The following GALNT11 variants were observed in gnomAD, a reference collection of about 807,000 sequenced individuals.
GALNT11 encodes polypeptide N-acetylgalactosaminyltransferase 11.
In GALNT11, 47 loss-of-function variants were observed where a neutral mutation model predicts 72.7. That is an observed-to-expected ratio of 0.65 (90% CI 0.51 to 0.82). The LOEUF is 0.82. Among genes scored for constraint, GALNT11 ranks in the 40% least tolerant of loss-of-function variants. The pLI is 0.00. For missense variants in GALNT11, 677 were observed against 778.4 expected (o/e 0.87, Z 1.55); for synonymous variants, 270 against 286.6 (o/e 0.94, Z 0.58).
At chr7:152,032,901 G>GA (rs1213222232) in intron 1 of GALNT11, among the ~76,000 whole-genome samples, 1 of 152,240 alleles carries the variant, frequency 6.6e-6, no homozygotes, top group Non-Finnish European at 1.5e-5. Flanking sequence ...TTACAACTGA[G>GA]AAGGTGGGAG....
intron 1 of GALNT11, among the ~76,000 whole-genome samples, chr7:152,081,085 A>C (rs2085298384): frequency 6.6e-6 from 1 of 152,182 alleles, no homozygotes; most frequent in Non-Finnish European, 1.5e-5. Flanking sequence ...CTTTAGGATT[A>C]TTTAAGATTT....
intron 6 of GALNT11, among the ~76,000 whole-genome samples, chr7:152,109,460 A>T (rs1201699681): frequency 3.3e-5 from 5 of 152,186 alleles, no homozygotes; most frequent in Non-Finnish European, 4.4e-5. Flanking sequence ...TTGTTTTTAA[A>T]AAGTGTCTTT....
At chr7:152,036,442 A>G (rs1311479937) in intron 1 of GALNT11, among the ~76,000 whole-genome samples, 1 of 152,128 alleles carries the variant, frequency 6.6e-6, no homozygotes, top group Non-Finnish European at 1.5e-5. Context: ...TTATGGCTGA[A>G]TAGTACTCCA....
At chr7:152,045,962 A>G (rs1392550258) in intron 1 of GALNT11, among the ~76,000 whole-genome samples, 5 of 151,986 alleles carry the variant, frequency 3.3e-5, no homozygotes, top group African/African-American at 2.4e-5. Flanking sequence ...TGCTTTCACT[A>G]TATCCCATAG....
At chr7:152,054,172 A>G (rs1018209922) in intron 1 of GALNT11, among the ~76,000 whole-genome samples, 8 of 152,010 alleles carry the variant, frequency 5.3e-5, no homozygotes, top group South Asian at 2.1e-4. Flanking sequence ...CTTTTGACTT[A>G]TAGTAATAGC....
At chr7:152,096,537 C>T (rs1453143290) in intron 2 of GALNT11, among the ~76,000 whole-genome samples, 3 of 151,780 alleles carry the variant, frequency 2.0e-5, no homozygotes, top group South Asian at 4.2e-4. Context: ...ACCAACGTGG[C>T]GAAACCCTAT....
intron 8 of GALNT11, among the ~76,000 whole-genome samples, chr7:152,114,602 C>A (rs2088641389): frequency 6.6e-6 from 1 of 151,806 alleles, no homozygotes; most frequent in African/African-American, 2.4e-5. Context: ...CTCTTGTTGC[C>A]CAGGCTGAAG....
At chr7:152,086,337 C>T (rs1333804983) in intron 1 of GALNT11, among the ~76,000 whole-genome samples, 2 of 152,220 alleles carry the variant, frequency 1.3e-5, no homozygotes, top group Admixed American at 1.3e-4. Context: ...AACTTCTTGA[C>T]CTATCCGAAA....
At chr7:152,118,547 C>A (rs1482255953) in intron 9 of GALNT11, 131 bp from the exon 10 acceptor site, 4 of 704,836 alleles carry the variant, frequency 5.7e-6, no homozygotes, top group South Asian at 5.5e-5. Flanking sequence ...ATTAAAAATG[C>A]ATATATTTTT....
At chr7:152,099,243 G>A (rs2086596949) in intron 2 of GALNT11, among the ~76,000 whole-genome samples, 1 of 151,874 alleles carries the variant, frequency 6.6e-6, no homozygotes, top group South Asian at 2.1e-4. Context: ...CGCCCGGCTG[G>A]AAACACTGCA....
chr7:152,060,740 T>C (rs973972480), intron 1 of GALNT11, among the ~76,000 whole-genome samples: 2 of 152,100 alleles, frequency 1.3e-5, no homozygotes, highest in Admixed American at 6.5e-5. Flanking sequence ...TTTTTGTCCT[T>C]GCAGTAGTTT....
At chr7:152,121,251 T>A (rs1587525111) in intron 11 of GALNT11, among the ~76,000 whole-genome samples, 1 of 152,324 alleles carries the variant, frequency 6.6e-6, no homozygotes, top group Admixed American at 6.5e-5. Context: ...GCGCAGTGGC[T>A]CCCGCCTGTA....
chr7:152,104,942 CACTCA>C (rs2087367461), intron 4 of GALNT11: 1 of 174,762 alleles, frequency 5.7e-6, no homozygotes, highest in African/African-American at 2.4e-5. Flanking sequence ...AACATTTATG[CACTCA>C]AAATACTCAT....
intron 9 of GALNT11, 137 bp downstream of exon 9, chr7:152,117,512 A>T (rs1373416330): frequency 1.2e-6 from 1 of 826,872 alleles, no homozygotes; most frequent in Non-Finnish European, 1.9e-6. Context: ...CTTTCATTAT[A>T]TTCTCTTTAT....
intron 1 of GALNT11, among the ~76,000 whole-genome samples, chr7:152,029,428 GA>G (rs2151977700): frequency 6.6e-6 from 1 of 152,312 alleles, no homozygotes; most frequent in Admixed American, 6.5e-5. Context: ...CTTGAGCTTT[GA>G]GGGGTACTGA....
chr7:152,107,981 T>C, intron 5 of GALNT11, 57 bp from the exon 6 acceptor site: 1 of 1,557,186 alleles, frequency 6.4e-7, no homozygotes, highest in Non-Finnish European at 8.7e-7. Flanking sequence ...GGACGGGTGG[T>C]TGTACCTAAA....
intron 2 of GALNT11, 138 bp from the exon 3 acceptor site, chr7:152,100,660 A>T: frequency 1.9e-6 from 2 of 1,059,212 alleles, no homozygotes; most frequent in Non-Finnish European, 2.7e-6. Flanking sequence ...ACTTCAACCT[A>T]GAGACAACCT....
At chr7:152,101,645 G>T (rs542691310) in intron 3 of GALNT11, among the ~76,000 whole-genome samples, 13 of 146,106 alleles carry the variant, frequency 8.9e-5, no homozygotes, top group South Asian at 4.6e-4. Flanking sequence ...TTTTTTTTGG[G>T]GGGGGGGGGA....
rs747006564 is a variant in GALNT11, at chr7:152,113,306, C to T, written c.1141C>T (p.Arg381Ter). The change falls in exon 8 of 12, where the codon CGA becomes TGA. Residue 381 changes from arginine to a stop codon, truncating the protein, a stop_gained. Coordinates refer to ENST00000430044, the MANE Select transcript of GALNT11 (RefSeq NM_022087.4). LOFTEE classifies it high-confidence loss of function. Reference protein sequence around the residue: ...IPCSRVGHIFRKRRPYGSPEG... With the variant: ...IPCSRVGHIF ...TTGCTCTAGAGTAGGACACATTTTC[C>T]GAAAAAGGCGACCATATGGATCTCC... The T allele has an allele frequency of 5.6e-6, 9 of 1,613,852 alleles. No individual in the cohort carries two copies. Among genetic ancestry groups the T allele is most frequent in the Admixed American group, 1.7e-5 (1 of 59,976 alleles).
Sources: allele counts gnomAD v4.1 joint callset (sites outside exome capture counted in the v4.1 genomes callset), GRCh38; gene constraint gnomAD v4.1.1; transcripts MANE v1.5; gene names NCBI Gene and HGNC (gene_info 2026-07-23, HGNC 2026-07-21).